Variants in FMN2 observed in about 807,000 individuals in gnomAD.
FMN2 encodes the protein formin-2.
A neutral mutation model predicts 142.3 loss-of-function variants in FMN2; 51 were observed. The ratio of observed to expected loss-of-function variants is 0.36; its 90% CI spans 0.29 to 0.45. FMN2 has a LOEUF of 0.45. Ranked by LOEUF, FMN2 falls within the 20% of genes least tolerant of loss-of-function variation. The pLI, the probability that FMN2 is intolerant of heterozygous loss-of-function variation, is 1.00. For missense variants in FMN2, 1,936 were observed against 2,122.8 expected (o/e 0.91, Z 1.73); for synonymous variants, 882 against 869.8 (o/e 1.01, Z -0.25).
chr1:240,131,378 C>A (rs10733126), intron 2 of FMN2, among the ~76,000 whole-genome samples: 96,134 of 151,918 alleles, frequency 0.63, 31,219 homozygotes, highest in African/African-American at 0.78. Flanking sequence ...AGACCTGAGG[C>A]ATGCGTAGGA....
chr1:240,370,826 A>T (rs966182429), intron 14 of FMN2, among the ~76,000 whole-genome samples: 1 of 152,220 alleles, frequency 6.6e-6, no homozygotes, highest in African/African-American at 2.4e-5. Flanking sequence ...CTTCTGGAAA[A>T]GATTGAATAA....
chr1:240,191,872 A>T (rs561476203), intron 4 of FMN2, among the ~76,000 whole-genome samples: 11 of 152,330 alleles, frequency 7.2e-5, no homozygotes, highest in East Asian at 5.8e-4. Context: ...TAAAAACTCT[A>T]GCTTTGGGTA....
At chr1:240,166,088 C>G (rs1664469935) in intron 2 of FMN2, among the ~76,000 whole-genome samples, 1 of 150,842 alleles carries the variant, frequency 6.6e-6, no homozygotes, top group Admixed American at 6.6e-5. Flanking sequence ...TTTCCTCTTC[C>G]CTTCAAGATA....
chr1:240,097,501 G>T (rs963494159), intron 1 of FMN2, among the ~76,000 whole-genome samples: 3 of 151,790 alleles, frequency 2.0e-5, no homozygotes, highest in Non-Finnish European at 2.9e-5. Flanking sequence ...GACTACAGGC[G>T]CCCACCACCA....
intron 2 of FMN2, among the ~76,000 whole-genome samples, chr1:240,158,603 C>G (rs983019030): frequency 1.2e-4 from 19 of 152,098 alleles, no homozygotes; most frequent in Admixed American, 8.5e-4. Context: ...CATCTCCCCC[C>G]CACCACGCCT....
intron 2 of FMN2, among the ~76,000 whole-genome samples, chr1:240,155,648 CAT>C: frequency 6.6e-6 from 1 of 152,260 alleles, no homozygotes; most frequent in South Asian, 2.1e-4. Flanking sequence ...ATTCTACAGA[CAT>C]ATCTGAGATG....
rs762987742 is a variant in FMN2, at chr1:240,123,327, G to A, written c.1764G>A (p.Thr588=). 69 of 1,613,748 alleles carry A rather than the reference G, an allele frequency of 4.3e-5. No homozygotes were observed. The highest frequency in any genetic ancestry group is 2.0e-4 in the Admixed American group (12 of 59,960). ...FREPCNQNAQ[T]NAASFDQDQL... is the part of the protein sequence containing the mutation. ...AACCGTGTAATCAGAATGCCCAGAC[G>A]AATGCAGCTTCGTTTGATGTAAGTA... is the stretch of plus-strand genomic sequence containing the variant. The change falls in exon 2 of 18, where the codon ACG becomes ACA. Residue 588 remains threonine, a synonymous_variant. Coordinates refer to ENST00000319653, the MANE Select transcript of FMN2 (RefSeq NM_020066.5).
At chr1:240,434,084 A>G (rs376370527) in intron 15 of FMN2, among the ~76,000 whole-genome samples, 1 of 152,092 alleles carries the variant, frequency 6.6e-6, no homozygotes. Context: ...AAAAAGGACC[A>G]TTTAAGAATC....
chr1:240,177,682 G>A (rs1664975664), intron 2 of FMN2, among the ~76,000 whole-genome samples: 1 of 152,068 alleles, frequency 6.6e-6, no homozygotes, highest in South Asian at 2.1e-4. Context: ...AAGAGGCGTA[G>A]GTTTTACTAT....
At chr1:240,136,526 C>T (rs1299509632) in intron 2 of FMN2, among the ~76,000 whole-genome samples, 1 of 152,092 alleles carries the variant, frequency 6.6e-6, no homozygotes, top group Non-Finnish European at 1.5e-5. Context: ...TTTTAGATAT[C>T]CATTTTGACT....
intron 15 of FMN2, among the ~76,000 whole-genome samples, chr1:240,433,719 T>A (rs779521699): frequency 2.0e-5 from 3 of 152,226 alleles, no homozygotes; most frequent in Non-Finnish European, 2.9e-5. Context: ...AATACCTTTT[T>A]GTAATTTGAG....
chr1:240,249,772 T>G (rs945707364), intron 6 of FMN2, among the ~76,000 whole-genome samples: 5 of 152,198 alleles, frequency 3.3e-5, no homozygotes, highest in African/African-American at 9.6e-5. Context: ...CTTCAATTTC[T>G]TTCATCAATG....
chr1:240,424,876 C>G (rs1437540704), intron 15 of FMN2, among the ~76,000 whole-genome samples: 1 of 152,160 alleles, frequency 6.6e-6, no homozygotes, highest in African/African-American at 2.4e-5. Flanking sequence ...AAATTTGCCT[C>G]CAGAAATGTC....
chr1:240,311,628 C>G (rs142847020), intron 8 of FMN2, among the ~76,000 whole-genome samples: 1 of 152,184 alleles, frequency 6.6e-6, no homozygotes, highest in African/African-American at 2.4e-5. Flanking sequence ...ATATTTCTTT[C>G]TTGTTAATCT....
intron 4 of FMN2, among the ~76,000 whole-genome samples, chr1:240,205,085 G>A (rs946508074): frequency 6.6e-6 from 1 of 152,108 alleles, no homozygotes; most frequent in African/African-American, 2.4e-5. Context: ...TGGAGTATAA[G>A]TGTCAGCCTC....
At chr1:240,228,327 A>AAAAAAAG (rs1667404340) in intron 6 of FMN2, among the ~76,000 whole-genome samples, 30 of 78,350 alleles carry the variant, frequency 3.8e-4, no homozygotes, top group Admixed American at 5.2e-4. Flanking sequence ...AAAAAAAAAA[A>AAAAAAAG]AAAAAGAAAA....
At chr1:240,349,513 C>T (rs1457339942) in intron 13 of FMN2, among the ~76,000 whole-genome samples, 1 of 152,084 alleles carries the variant, frequency 6.6e-6, no homozygotes, top group Non-Finnish European at 1.5e-5. Flanking sequence ...AATAGCCAGA[C>T]TCTTCATGAT....
At chr1:240,375,140 C>A (rs1673000985) in intron 14 of FMN2, among the ~76,000 whole-genome samples, 1 of 152,008 alleles carries the variant, frequency 6.6e-6, no homozygotes, top group Non-Finnish European at 1.5e-5. Context: ...TGATTGTTTG[C>A]CATCTTATGT....
intron 2 of FMN2, chr1:240,170,749 GTTT>G: frequency 1.3e-6 from 1 of 779,992 alleles, no homozygotes; most frequent in South Asian, 2.6e-5. Flanking sequence ...GCCTGGCTCT[GTTT>G]GGGCCGTCTT....
Sources: allele counts gnomAD v4.1 joint callset (sites outside exome capture counted in the v4.1 genomes callset), GRCh38; gene constraint gnomAD v4.1.1; transcripts MANE v1.5; gene names NCBI Gene and HGNC (gene_info 2026-07-23, HGNC 2026-07-21).